Variants in C1orf146 observed in about 807,000 individuals in gnomAD.
The protein encoded by C1orf146 is protein SPO16 homolog.
C1orf146 carries 22 observed loss-of-function variants against 23.0 expected under a neutral mutation model. The observed-to-expected ratio is 0.96, with a 90% CI of 0.68 to 1.36. The LOEUF (loss-of-function observed/expected upper bound fraction) is 1.36, where lower values mean the gene tolerates loss of function less well. Ranked by LOEUF, C1orf146 falls within the 40% of genes most tolerant of loss-of-function variation. The pLI, the probability that C1orf146 is intolerant of heterozygous loss-of-function variation, is 0.00. For missense variants in C1orf146, 199 were observed against 206.8 expected, an observed-to-expected ratio of 0.96 and a Z score of 0.23; for synonymous variants, 59 against 65.3, an observed-to-expected ratio of 0.90 and a Z score of 0.47.
chr1:92,237,323 C>T (rs534078775), intron 2 of C1orf146, among the ~76,000 whole-genome samples: 157 of 152,278 alleles, frequency 1.0e-3, no homozygotes, highest in Admixed American at 1.7e-3. Context: ...TTCCTTCTAA[C>T]AGACAGGACC....
intron 2 of C1orf146, among the ~76,000 whole-genome samples, chr1:92,238,961 G>T (rs1023944627): frequency 6.6e-6 from 1 of 152,024 alleles, no homozygotes. Context: ...GTCTCACTAT[G>T]TTGCCCAGGC....
intron 1 of C1orf146, among the ~76,000 whole-genome samples, chr1:92,227,605 A>G (rs901329175): frequency 6.6e-6 from 1 of 152,086 alleles, no homozygotes. Flanking sequence ...TCTACTGATG[A>G]TGAAGTCTCT....
intron 1 of C1orf146, chr1:92,229,139 C>A: frequency 1.9e-6 from 1 of 520,686 alleles, no homozygotes; most frequent in South Asian, 1.6e-5. Context: ...AGTACTTTCG[C>A]TCTCGGGGTG....
intron 2 of C1orf146, among the ~76,000 whole-genome samples, chr1:92,232,675 A>C (rs1438315225): frequency 6.6e-6 from 1 of 151,788 alleles, no homozygotes; most frequent in Admixed American, 6.6e-5. Context: ...ATCCCTGAGG[A>C]ATCACCACAC....
Position 92,245,750 on chromosome 1 carries a change from T to G in C1orf146, c.*76T>G, listed in dbSNP as rs938205728. ...TAAATTATAATATTCAAATATCTAT[T>G]TAAAGACATTTATATTAATTTGAAA... On this transcript the variant is annotated 3_prime_UTR_variant, in exon 6 of 6. Transcript: ENST00000370375. 9.4e-6 allele frequency: 8 copies of G among 847,030 alleles called. No individual in the cohort carries two copies. In the African/African-American group the frequency reaches 1.1e-4, roughly 11 times the overall value. The allele number at this position is 847,030 out of a possible 1,614,324, so 52.5% of individuals were successfully genotyped here. A position where few individuals can be genotyped will look rare whatever the true frequency, so the allele number is the denominator to read the frequency against.
At chr1:92,244,425 TG>T in intron 4 of C1orf146, 40 bp downstream of exon 4, 1 of 1,449,816 alleles carries the variant, frequency 6.9e-7, no homozygotes, top group Admixed American at 2.3e-5. Context: ...TTTCTTATAT[TG>T]TATTTATTTC....
At chr1:92,226,732 T>C (rs80125999) in intron 1 of C1orf146, among the ~76,000 whole-genome samples, 1 of 152,216 alleles carries the variant, frequency 6.6e-6, no homozygotes, top group Non-Finnish European at 1.5e-5. Context: ...ATCTTTTCTT[T>C]CAGTTGTAGA....
chr1:92,222,834 C>A (rs957294648), intron 1 of C1orf146, among the ~76,000 whole-genome samples: 2 of 152,034 alleles, frequency 1.3e-5, no homozygotes, highest in African/African-American at 4.8e-5. Flanking sequence ...GATCCGCCCA[C>A]CTCGGCCTCC....
rs1245881240 is a variant in C1orf146 at position 92,245,742 on chromosome 1, A to G, written c.*68A>G. 5.4e-6 allele frequency: 5 copies of G among 934,108 alleles called. No individual in the cohort carries two copies. Among genetic ancestry groups the G allele is most frequent in the South Asian group, 1.9e-5 (1 of 51,550 alleles). The allele number at this position is 934,108 out of a possible 1,614,324, so 57.9% of individuals were successfully genotyped here. On this transcript the variant is annotated 3_prime_UTR_variant, in exon 6 of 6. Coordinates refer to ENST00000370375, the MANE Select transcript of C1orf146 (RefSeq NM_001012425.2). ...AGACCTGTTAAATTATAATATTCAA[A>G]TATCTATTTAAAGACATTTATATTA...
intron 1 of C1orf146, among the ~76,000 whole-genome samples, chr1:92,226,437 C>G (rs1651971241): frequency 6.6e-6 from 1 of 151,788 alleles, no homozygotes; most frequent in Non-Finnish European, 1.5e-5. Context: ...ACACACTTGA[C>G]CCAATAATAT....
At position 92,232,237 on chromosome 1, in the gene C1orf146, C is replaced by T. The variant is rs534199409; in HGVS notation, c.66+751C>T. Among the ~76,000 whole-genome samples, 3 of 151,940 alleles carry T rather than the reference C, an allele frequency of 2.0e-5. No individual in the cohort carries two copies. The South Asian group carries it at 6.3e-4, about 32-fold the overall frequency. ...ACTCGTCATCTAGCATTAGGTATAT[C>T]TCCCAATGCTATCCGTCCTCCCTCC... On this transcript the variant is annotated intron_variant, in intron 2 of 5. Transcript: ENST00000370375.
chr1:92,229,847 G>A (rs914443629), intron 1 of C1orf146, among the ~76,000 whole-genome samples: 1 of 151,962 alleles, frequency 6.6e-6, no homozygotes, highest in African/African-American at 2.4e-5. Context: ...AAAAGTAATA[G>A]GAAAATGGGC....
At chr1:92,218,876 A>G (rs1390883776) in intron 1 of C1orf146, among the ~76,000 whole-genome samples, 1 of 152,186 alleles carries the variant, frequency 6.6e-6, no homozygotes, top group African/African-American at 2.4e-5. Flanking sequence ...GCTTTTCCCC[A>G]GAAATGCTGA....
At chr1:92,219,725 A>G (rs1383211014) in intron 1 of C1orf146, among the ~76,000 whole-genome samples, 1 of 151,986 alleles carries the variant, frequency 6.6e-6, no homozygotes, top group East Asian at 1.9e-4. Context: ...TGCAAACATA[A>G]TGCACTGCAG....
chr1:92,230,658 T>TAGTC (rs1652097861), intron 1 of C1orf146, among the ~76,000 whole-genome samples: 1 of 151,060 alleles, frequency 6.6e-6, no homozygotes, highest in Non-Finnish European at 1.5e-5. Context: ...TGCATACCTG[T>TAGTC]AGTCCTAGCT....
chr1:92,219,201 T>G (rs968071578), intron 1 of C1orf146, among the ~76,000 whole-genome samples: 1 of 151,990 alleles, frequency 6.6e-6, no homozygotes, highest in African/African-American at 2.4e-5. Flanking sequence ...GTAGGGGGGG[T>G]TATAGAAGTT....
intron 2 of C1orf146, among the ~76,000 whole-genome samples, chr1:92,238,422 AGAGAT>A (rs984500101): frequency 5.3e-5 from 8 of 152,262 alleles, no homozygotes; most frequent in Non-Finnish European, 1.0e-4. Context: ...AACCCCAAAA[AGAGAT>A]GAGATAATAT....
chr1:92,220,205 A>G (rs1303031459), intron 1 of C1orf146, among the ~76,000 whole-genome samples: 1 of 152,168 alleles, frequency 6.6e-6, no homozygotes, highest in South Asian at 2.1e-4. Flanking sequence ...TTTTTGGAGA[A>G]TGCTATTTAG....
At chr1:92,234,474 G>T (rs1652221738) in intron 2 of C1orf146, among the ~76,000 whole-genome samples, 1 of 152,182 alleles carries the variant, frequency 6.6e-6, no homozygotes, top group South Asian at 2.1e-4. Flanking sequence ...CTTGATCATG[G>T]TGGATAAGCT....
Sources: allele counts gnomAD v4.1 joint callset (sites outside exome capture counted in the v4.1 genomes callset), GRCh38; gene constraint gnomAD v4.1.1; transcripts MANE v1.5; gene names NCBI Gene and HGNC (gene_info 2026-07-23, HGNC 2026-07-21).